Variants in OPRM1 observed in about 807,000 individuals in gnomAD.
OPRM1 encodes the protein mu-type opioid receptor.
Under a neutral mutation model 31.8 loss-of-function variants are expected in OPRM1, and 27 were observed. The observed-to-expected ratio is 0.85, with a 90% confidence interval of 0.63 to 1.17. The LOEUF is 1.17. OPRM1 is among the 50% of genes most tolerant of loss of function. OPRM1 has a pLI of 0.00. For synonymous variants in OPRM1, 196 were observed against 189.9 expected, an observed-to-expected ratio of 1.03 and a Z score of -0.26; for missense variants, 536 against 511.1, an observed-to-expected ratio of 1.05 and a Z score of -0.47.
At chr6:154,153,381 A>C (rs1798594219) in intron 3 of OPRM1, among the ~76,000 whole-genome samples, 1 of 152,162 alleles carries the variant, frequency 6.6e-6, no homozygotes, top group Admixed American at 6.5e-5. Flanking sequence ...TTGTAATCAC[A>C]AGGTTGCTTA....
intron 1 of OPRM1, among the ~76,000 whole-genome samples, chr6:154,048,729 G>T (rs560223800): frequency 6.6e-6 from 1 of 152,238 alleles, no homozygotes; most frequent in East Asian, 1.9e-4. Context: ...CATGAAAAGT[G>T]ATCTGTACCA....
Position 154,168,864 on chromosome 6 carries a change from C to T in OPRM1, c.1164+77392C>T, listed in dbSNP as rs540318328. Among the ~76,000 whole-genome samples the T allele has an allele frequency of 1.3e-3, 195 of 152,186 alleles. No homozygotes were observed. Among genetic ancestry groups the T allele is most frequent in the Non-Finnish European group, 2.0e-3 (135 of 68,008 alleles). On this transcript the variant is annotated intron_variant, in intron 3 of 3. Coordinates refer to the OPRM1 transcript ENST00000337049. This position sits in a 1 kb window ranked among gnomAD's most constrained non-coding sequence, Gnocchi z 4.1. ...TGGGTGATCCGCCCACCTTGGCCTC[C>T]CAAAGTGCTGGGATTACAGGTGTGA... is the stretch of plus-strand genomic sequence containing the variant.
At chr6:154,235,240 G>A (rs1263274279) in intron 3 of OPRM1, among the ~76,000 whole-genome samples, 3 of 152,186 alleles carry the variant, frequency 2.0e-5, no homozygotes, top group Non-Finnish European at 4.4e-5. Flanking sequence ...TAGAGATTTA[G>A]AAGTAATAGG....
chr6:154,174,046 C>T (rs920934974), intron 3 of OPRM1, among the ~76,000 whole-genome samples: 1 of 152,140 alleles, frequency 6.6e-6, no homozygotes, highest in Non-Finnish European at 1.5e-5. Flanking sequence ...GAATTTCCAA[C>T]CCAGAATTTC....
chr6:154,078,973 G>T (rs913869123), intron 1 of OPRM1, among the ~76,000 whole-genome samples: 15 of 152,196 alleles, frequency 9.9e-5, no homozygotes, highest in African/African-American at 3.6e-4. Context: ...AAATGTTGAT[G>T]TTCCTGCCAC....
At chr6:154,093,615 C>T in intron 3 of OPRM1, 1 of 1,287,876 alleles carries the variant, frequency 7.8e-7, no homozygotes, top group Non-Finnish European at 1.0e-6. Flanking sequence ...TCCAATTAGG[C>T]CTTATCTTCA....
chr6:154,192,233 G>A (rs1367433888), intron 3 of OPRM1, among the ~76,000 whole-genome samples: 1 of 151,904 alleles, frequency 6.6e-6, no homozygotes. Flanking sequence ...TTCAGCATGG[G>A]TGAGCACTCT....
rs1237353614 is a variant in OPRM1, at chr6:154,121,862, C to G, written c.*3141C>G. On this transcript the variant is annotated 3_prime_UTR_variant, in exon 4 of 4. Transcript: ENST00000330432. ...TATTTATACGTTTAAAAGCTAAAAA[C>G]AAGATCTTTTTGGTAATGCTTCAAT... 1.3e-5 allele frequency among the ~76,000 whole-genome samples: 2 copies of G among 152,162 alleles called. No homozygotes were observed. The highest frequency in any genetic ancestry group is 4.8e-5 in the African/African-American group (2 of 41,442).
intron 1 of OPRM1, among the ~76,000 whole-genome samples, chr6:154,051,390 A>T (rs1393830443): frequency 1.3e-5 from 2 of 152,246 alleles, no homozygotes; most frequent in Non-Finnish European, 2.9e-5. Context: ...ATCCTATTTT[A>T]TACCAAAATA....
chr6:154,149,308 A>G (rs1283045659), intron 3 of OPRM1, among the ~76,000 whole-genome samples: 2 of 152,076 alleles, frequency 1.3e-5, no homozygotes, highest in Non-Finnish European at 2.9e-5. Context: ...AAACCATCAG[A>G]TCTTGTGAGA....
intron 3 of OPRM1, among the ~76,000 whole-genome samples, chr6:154,211,435 A>G (rs1183308805): frequency 2.6e-5 from 4 of 151,744 alleles, no homozygotes; most frequent in African/African-American, 9.7e-5. Flanking sequence ...AAAAAAAAGG[A>G]AAAGCATGTC....
At chr6:154,240,393 G>T (rs1467854355) in intron 3 of OPRM1, among the ~76,000 whole-genome samples, 1 of 152,040 alleles carries the variant, frequency 6.6e-6, no homozygotes, top group East Asian at 1.9e-4. Flanking sequence ...AAATTTTTTT[G>T]AATCTATTGT....
rs199973850 is a variant in OPRM1 at position 154,090,178 on chromosome 6, G to T, written c.643G>T (p.Gly215Cys). 8.1e-6 allele frequency: 13 copies of T among 1,600,412 alleles called. No individual in the cohort carries two copies. The Admixed American group carries it at 1.2e-4, about 14-fold the overall frequency. Residue 215 changes from glycine to cysteine, a missense_variant and splice_region_variant, in exon 2 of 4, where the codon GGT becomes TGT. Gly to Cys is a radical substitution (Grantham distance 159). Transcript: ENST00000330432. ...CATGGCTACAACAAAATACAGGCAA[G>T]GTGAGTGATGTTACCAGCCTGAGGG... ...MFMATTKYRQ[G>C]SIDCTLTFSH... is the part of the protein sequence containing the mutation.
chr6:154,187,214 T>G (rs1313790135), intron 3 of OPRM1, among the ~76,000 whole-genome samples: 1 of 152,166 alleles, frequency 6.6e-6, no homozygotes, highest in Non-Finnish European at 1.5e-5. Context: ...TTTCCAGGAC[T>G]ACCAATGTAA....
intron 3 of OPRM1, among the ~76,000 whole-genome samples, chr6:154,186,025 A>G (rs1421349167): frequency 6.6e-6 from 1 of 152,160 alleles, no homozygotes; most frequent in Non-Finnish European, 1.5e-5. Flanking sequence ...ATATTGGGGC[A>G]CCCCAGAGCT....
At position 154,122,431 on chromosome 6, in the gene OPRM1, T is replaced by C. The variant is rs919001190; in HGVS notation, c.*3710T>C. Among the ~76,000 whole-genome samples the C allele has an allele frequency of 4.6e-5, 7 of 152,234 alleles. No individual in the cohort carries two copies. Among genetic ancestry groups the C allele is most frequent in the Non-Finnish European group, 8.8e-5 (6 of 68,014 alleles). ...ACTCTAACCACTGTGTTTCCCCCAG[T>C]TTGATATGGTTCAGGATACATAGTC... is the stretch of plus-strand genomic sequence containing the variant. On this transcript the variant is annotated 3_prime_UTR_variant, in exon 4 of 4. Coordinates refer to ENST00000330432, the MANE Select transcript of OPRM1 (RefSeq NM_000914.5).
At chr6:154,064,830 T>C (rs1002965452) in intron 1 of OPRM1, among the ~76,000 whole-genome samples, 4 of 152,204 alleles carry the variant, frequency 2.6e-5, no homozygotes, top group African/African-American at 9.6e-5. Context: ...GGATCTCTAC[T>C]CTATTCCATT....
At chr6:154,202,390 C>A (rs1777142654) in intron 3 of OPRM1, among the ~76,000 whole-genome samples, 1 of 152,102 alleles carries the variant, frequency 6.6e-6, no homozygotes, top group Non-Finnish European at 1.5e-5. Flanking sequence ...GCACTACCCC[C>A]AAATTGTCCA....
intron 3 of OPRM1, among the ~76,000 whole-genome samples, chr6:154,179,477 G>A (rs763031041): frequency 1.7e-4 from 26 of 152,246 alleles, no homozygotes; most frequent in Non-Finnish European, 1.3e-4. Context: ...CATTGGAGAC[G>A]GGAGCCAAAT....
Sources: allele counts gnomAD v4.1 joint callset (sites outside exome capture counted in the v4.1 genomes callset), GRCh38; gene constraint gnomAD v4.1.1; non-coding constraint Gnocchi (gnomAD v3.1); transcripts MANE v1.5; gene names NCBI Gene and HGNC (gene_info 2026-07-23, HGNC 2026-07-21).